Variants in AKAP6 observed in about 807,000 individuals in gnomAD.
AKAP6 encodes A-kinase anchor protein 6.
AKAP6 carries 58 observed loss-of-function variants against 188.5 expected under a neutral mutation model. The observed-to-expected ratio is 0.31, with a 90% CI of 0.25 to 0.38. The LOEUF (loss-of-function observed/expected upper bound fraction) is 0.38. Ranked by LOEUF, AKAP6 falls within the 10% of genes least tolerant of loss-of-function variation. The pLI, the probability that AKAP6 is intolerant of heterozygous loss-of-function variation, is 1.00. For synonymous variants in AKAP6, 989 were observed against 998.6 expected (o/e 0.99, Z 0.18); for missense variants, 2,710 against 2,740.0 (o/e 0.99, Z 0.24).
At chr14:32,345,526 G>T (rs191645619) in intron 1 of AKAP6, among the ~76,000 whole-genome samples, 16 of 152,330 alleles carry the variant, frequency 1.1e-4, no homozygotes, top group Admixed American at 9.8e-4. Flanking sequence ...CTGAATGTCT[G>T]CCCTGTATCT....
At chr14:32,538,973 T>C (rs1487643840) in intron 3 of AKAP6, among the ~76,000 whole-genome samples, 1 of 152,186 alleles carries the variant, frequency 6.6e-6, no homozygotes, top group African/African-American at 2.4e-5. Context: ...ATAATAATTA[T>C]TGTTTCTTCC....
intron 13 of AKAP6, among the ~76,000 whole-genome samples, chr14:32,828,411 T>C (rs536435326): frequency 6.6e-6 from 1 of 152,196 alleles, no homozygotes; most frequent in Non-Finnish European, 1.5e-5. Context: ...AATGTTTTGC[T>C]GGATGTGAAG....
intron 7 of AKAP6, among the ~76,000 whole-genome samples, chr14:32,612,293 G>A (rs1251203673): frequency 2.0e-5 from 3 of 152,052 alleles, no homozygotes; most frequent in Non-Finnish European, 4.4e-5. Context: ...CCTTGGGGCA[G>A]CAACTACCTC....
At chr14:32,655,603 T>C (rs1185525084) in intron 7 of AKAP6, among the ~76,000 whole-genome samples, 1 of 151,900 alleles carries the variant, frequency 6.6e-6, no homozygotes, top group African/African-American at 2.4e-5. Context: ...AATGAAAGAG[T>C]TGTTCGTGTT....
chr14:32,829,230 T>C (rs980400440), intron 13 of AKAP6, among the ~76,000 whole-genome samples: 1 of 151,950 alleles, frequency 6.6e-6, no homozygotes, highest in Non-Finnish European at 1.5e-5. Context: ...CCATCTCGTT[T>C]CCACAATGCT....
chr14:32,492,484 G>A (rs1217539543), intron 2 of AKAP6, among the ~76,000 whole-genome samples: 1 of 151,044 alleles, frequency 6.6e-6, no homozygotes, highest in Non-Finnish European at 1.5e-5. Context: ...AGTTCTCTTA[G>A]GAATATGTTT....
At chr14:32,469,710 CA>C (rs1454228613) in intron 2 of AKAP6, among the ~76,000 whole-genome samples, 59 of 78,794 alleles carry the variant, frequency 7.5e-4, no homozygotes, top group South Asian at 4.9e-3. Flanking sequence ...TTTAATGTCA[CA>C]AATTTTTTTT....
At chr14:32,542,397 T>C (rs1454958268) in intron 3 of AKAP6, among the ~76,000 whole-genome samples, 2 of 152,172 alleles carry the variant, frequency 1.3e-5, no homozygotes, top group Non-Finnish European at 1.5e-5. Flanking sequence ...AAGACAACCA[T>C]TTTCTGTGTG....
chr14:32,670,465 T>C (rs1889134698), intron 7 of AKAP6, among the ~76,000 whole-genome samples: 3 of 152,116 alleles, frequency 2.0e-5, no homozygotes, highest in South Asian at 2.1e-4. Context: ...AAGGGAAACA[T>C]AGTAAGTATT....
At chr14:32,827,200 G>A (rs1267790395) in intron 13 of AKAP6, among the ~76,000 whole-genome samples, 1 of 152,146 alleles carries the variant, frequency 6.6e-6, no homozygotes, top group Non-Finnish European at 1.5e-5. Flanking sequence ...GAGGTTTCAT[G>A]TCTACAAGAG....
intron 4 of AKAP6, among the ~76,000 whole-genome samples, chr14:32,550,015 A>C (rs561550755): frequency 3.9e-5 from 6 of 152,246 alleles, no homozygotes; most frequent in Non-Finnish European, 8.8e-5. Flanking sequence ...GAATGAGTCC[A>C]GAAAACTGGT....
intron 7 of AKAP6, among the ~76,000 whole-genome samples, chr14:32,667,474 A>G (rs1566635115): frequency 6.6e-6 from 1 of 152,114 alleles, no homozygotes; most frequent in Non-Finnish European, 1.5e-5. Flanking sequence ...ACACAAAAAA[A>G]TAAAATGACT....
intron 5 of AKAP6, among the ~76,000 whole-genome samples, chr14:32,590,502 G>T (rs2139316745): frequency 6.6e-6 from 1 of 152,124 alleles, no homozygotes; most frequent in Admixed American, 6.5e-5. Flanking sequence ...ATGAATGAAT[G>T]AACATTTATA....
intron 2 of AKAP6, among the ~76,000 whole-genome samples, chr14:32,441,199 C>T (rs902522247): frequency 1.5e-4 from 23 of 152,226 alleles, no homozygotes; most frequent in Middle Eastern, 3.4e-3. Context: ...TGTACATTTT[C>T]CTTAGGGTGT....
At chr14:32,352,843 T>C (rs1476716454) in intron 1 of AKAP6, among the ~76,000 whole-genome samples, 1 of 152,358 alleles carries the variant, frequency 6.6e-6, no homozygotes, top group South Asian at 2.1e-4. Flanking sequence ...CTATTGTGAA[T>C]AGTGACACAA....
chr14:32,460,685 T>C (rs1000536643), intron 2 of AKAP6, among the ~76,000 whole-genome samples: 5 of 152,192 alleles, frequency 3.3e-5, no homozygotes, highest in Non-Finnish European at 7.3e-5. Flanking sequence ...GTTTTTTTCA[T>C]ACCCCATGGG....
At chr14:32,641,760 T>C (rs957895341) in intron 7 of AKAP6, among the ~76,000 whole-genome samples, 3 of 152,080 alleles carry the variant, frequency 2.0e-5, no homozygotes, top group African/African-American at 7.2e-5. Flanking sequence ...TGGTGTAATT[T>C]TTAGGTATTT....
chr14:32,712,320 G>T (rs1424367558), intron 9 of AKAP6, among the ~76,000 whole-genome samples: 3 of 151,954 alleles, frequency 2.0e-5, no homozygotes, highest in Non-Finnish European at 4.4e-5. Flanking sequence ...CTTTTTGCTG[G>T]TGAAGGTCTT....
Position 32,633,694 on chromosome 14 carries a change from C to A in AKAP6, c.2730+32902C>A, listed in dbSNP as rs149358127. On this transcript the variant is annotated intron_variant, in intron 7 of 13. Transcript: ENST00000280979. ...ACAGATAGAGAAAACCCGCAACCCACTCACAGCCATCCTAAGCAGGCATGT... is the reference window on the plus strand; with the variant it reads ...ACAGATAGAGAAAACCCGCAACCCAATCACAGCCATCCTAAGCAGGCATGT... 4.1e-3 allele frequency among the ~76,000 whole-genome samples: 620 copies of A among 152,236 alleles called. 4 individuals are homozygous for A. Among genetic ancestry groups the A allele is most frequent in the Non-Finnish European group, 5.9e-3 (399 of 67,992 alleles).
Sources: allele counts gnomAD v4.1 joint callset (sites outside exome capture counted in the v4.1 genomes callset), GRCh38; gene constraint gnomAD v4.1.1; transcripts MANE v1.5; gene names NCBI Gene and HGNC (gene_info 2026-07-23, HGNC 2026-07-21).